PTPRG: variants seen among roughly 807,000 people sequenced by gnomAD.
PTPRG encodes the protein protein tyrosine phosphatase receptor type G.
A neutral mutation model predicts 165.3 loss-of-function variants in PTPRG; 102 were observed. The observed-to-expected ratio is 0.62, with a 90% CI of 0.53 to 0.73. The LOEUF (loss-of-function observed/expected upper bound fraction) is 0.73, where lower values mean the gene tolerates loss of function less well. Among genes scored for constraint, PTPRG ranks in the 30% least tolerant of loss-of-function variants. The pLI, the probability that PTPRG is intolerant of heterozygous loss-of-function variation, is 0.00. For synonymous variants in PTPRG, 675 were observed against 669.5 expected, an observed-to-expected ratio of 1.01 and a Z score of -0.13; for missense variants, 1,866 against 1,861.4, an observed-to-expected ratio of 1.00 and a Z score of -0.05.
At chr3:61,574,532 G>GA (rs1410213192) in intron 1 of PTPRG, among the ~76,000 whole-genome samples, 2 of 152,160 alleles carry the variant, frequency 1.3e-5, no homozygotes, top group African/African-American at 4.8e-5. Flanking sequence ...GGAGGGTGCA[G>GA]AAAATCTCTT....
intron 2 of PTPRG, among the ~76,000 whole-genome samples, chr3:61,946,006 T>TTCA (rs1191560728): frequency 3.3e-5 from 5 of 151,928 alleles, no homozygotes; most frequent in African/African-American, 1.2e-4. Context: ...CATTCATTCA[T>TTCA]TTTTTTTCTT....
intron 2 of PTPRG, among the ~76,000 whole-genome samples, chr3:61,907,121 C>T (rs2038676207): frequency 6.6e-6 from 1 of 151,914 alleles, no homozygotes; most frequent in South Asian, 2.1e-4. Flanking sequence ...CTTATTCCTT[C>T]TCTTCCCCAA....
At chr3:62,065,362 T>C (rs930362718) in intron 4 of PTPRG, among the ~76,000 whole-genome samples, 20 of 152,104 alleles carry the variant, frequency 1.3e-4, no homozygotes, top group African/African-American at 4.3e-4. Flanking sequence ...GGGCTGAAAA[T>C]GGGTCTTTCA....
chr3:62,004,836 C>T (rs112035568), intron 4 of PTPRG, among the ~76,000 whole-genome samples: 4,542 of 152,280 alleles, frequency 0.03, 68 homozygotes, highest in South Asian at 0.055. Flanking sequence ...ATAGCTTCTA[C>T]GTCTTGTCCT....
intron 2 of PTPRG, among the ~76,000 whole-genome samples, chr3:61,913,444 C>G (rs1575778593): frequency 6.6e-6 from 1 of 152,146 alleles, no homozygotes; most frequent in Admixed American, 6.5e-5. Context: ...TGGTTTCAAT[C>G]TCCTGACCTC....
At chr3:61,633,778 T>C (rs1701829454) in intron 1 of PTPRG, among the ~76,000 whole-genome samples, 1 of 152,184 alleles carries the variant, frequency 6.6e-6, no homozygotes. Flanking sequence ...TCTTGTACCT[T>C]ATCTTAGGAG....
intron 2 of PTPRG, among the ~76,000 whole-genome samples, chr3:61,836,113 G>T (rs1219013320): frequency 3.1e-5 from 4 of 129,448 alleles, no homozygotes; most frequent in African/African-American, 1.2e-4. Context: ...GAACCCCACT[G>T]CAGATTAATG....
chr3:61,842,410 G>T (rs1206665950), intron 2 of PTPRG, among the ~76,000 whole-genome samples: 2 of 152,114 alleles, frequency 1.3e-5, no homozygotes, highest in African/African-American at 2.4e-5. Context: ...CTGCACCTTC[G>T]AAAGTACCAG....
intron 1 of PTPRG, among the ~76,000 whole-genome samples, chr3:61,746,222 T>TTTTC (rs2033198553): frequency 1.5e-5 from 2 of 136,560 alleles, no homozygotes; most frequent in African/African-American, 5.3e-5. Context: ...TTTTTTTTTT[T>TTTTC]TTTTTTTTTT....
At chr3:61,621,051 A>ATATATATATATATTTGTGTG in intron 1 of PTPRG, among the ~76,000 whole-genome samples, 1 of 117,948 alleles carries the variant, frequency 8.5e-6, no homozygotes, top group Non-Finnish European at 1.8e-5. Context: ...ATATATATAT[A>ATATATATATATATTTGTGTG]TGTGTGTGTG....
At chr3:62,197,494 C>T (rs775386281) in intron 10 of PTPRG, among the ~76,000 whole-genome samples, 1 of 152,128 alleles carries the variant, frequency 6.6e-6, no homozygotes, top group Non-Finnish European at 1.5e-5. Context: ...ATAAATCATG[C>T]TCCCTGTGCC....
At chr3:61,963,275 T>C (rs1425961849) in intron 2 of PTPRG, among the ~76,000 whole-genome samples, 1 of 152,150 alleles carries the variant, frequency 6.6e-6, no homozygotes, top group Non-Finnish European at 1.5e-5. Context: ...TTCATCATAT[T>C]TTCAAAGTCA....
At chr3:61,955,782 G>A (rs2040013517) in intron 2 of PTPRG, among the ~76,000 whole-genome samples, 1 of 152,146 alleles carries the variant, frequency 6.6e-6, no homozygotes, top group Non-Finnish European at 1.5e-5. Flanking sequence ...TAGGCACACA[G>A]ATATCTCTAT....
intron 1 of PTPRG, among the ~76,000 whole-genome samples, chr3:61,662,783 C>A (rs1194466433): frequency 6.6e-6 from 1 of 152,120 alleles, no homozygotes; most frequent in East Asian, 1.9e-4. Context: ...TACTTAGCAT[C>A]AACAAGGAAG....
intron 2 of PTPRG, among the ~76,000 whole-genome samples, chr3:61,815,797 C>T (rs115706911): frequency 1.1e-3 from 160 of 152,350 alleles, no homozygotes; most frequent in African/African-American, 3.7e-3. Context: ...ATGCTGTGCA[C>T]TGTTACAGGC....
intron 4 of PTPRG, among the ~76,000 whole-genome samples, chr3:62,076,560 TG>T (rs1296973018): frequency 2.6e-5 from 4 of 151,592 alleles, no homozygotes; most frequent in Non-Finnish European, 4.4e-5. Context: ...GGATACCCAA[TG>T]GTTCATTTTT....
intron 26 of PTPRG, among the ~76,000 whole-genome samples, chr3:62,277,887 T>G (rs933322690): frequency 6.6e-5 from 10 of 152,136 alleles, no homozygotes; most frequent in African/African-American, 2.4e-4. Flanking sequence ...TCTCTGATGC[T>G]ATTGATATCA....
rs1057000154 is a variant in PTPRG at position 62,282,821 on chromosome 3, T to C, written c.4007T>C (p.Ile1336Thr). The C allele has an allele frequency of 6.2e-7, 1 of 1,611,918 alleles. No homozygotes were observed. The highest frequency in any genetic ancestry group is 1.3e-5 in the African/African-American group (1 of 74,752). ...AGTACCTTTGAACTTATCAACGTCA[T>C]CAAGGAAGAGGCCTTAACAAGGGAT... ...ISSTFELINVIKEEALTRDGP... is the reference protein window; with the variant it reads ...ISSTFELINVTKEEALTRDGP... The change falls in exon 28 of 30, where the codon ATC becomes ACC. Residue 1336 changes from isoleucine (I) to threonine (T), a missense_variant. Coordinates refer to ENST00000474889, the MANE Select transcript of PTPRG (RefSeq NM_002841.4).
At chr3:61,733,884 G>C (rs1204020643) in intron 1 of PTPRG, among the ~76,000 whole-genome samples, 2 of 152,112 alleles carry the variant, frequency 1.3e-5, no homozygotes, top group Non-Finnish European at 2.9e-5. Flanking sequence ...TGCAACCTTT[G>C]CCTGCCAGGC....
Sources: gnomAD v4.1 joint callset for allele counts (sites outside exome capture counted in the v4.1 genomes callset) on GRCh38, gnomAD v4.1.1 for gene constraint, MANE v1.5 for transcripts, NCBI Gene and HGNC (gene_info 2026-07-23, HGNC 2026-07-21) for gene names.